The following CDH13 variants were observed in gnomAD, a reference collection of about 807,000 sequenced individuals.
The protein encoded by CDH13 is cadherin-13.
CDH13 carries 24 observed loss-of-function variants against 63.8 expected under a neutral mutation model. The observed-to-expected ratio is 0.38, with a 90% confidence interval of 0.27 to 0.53. The LOEUF (loss-of-function observed/expected upper bound fraction) is 0.53, where lower values mean the gene tolerates loss of function less well. Ranked by LOEUF, CDH13 falls within the 20% of genes least tolerant of loss-of-function variation. The probability of loss-of-function intolerance (pLI) is 0.85; values close to 1 mark genes in which losing one functional copy is unlikely to be tolerated. For synonymous variants in CDH13, 503 were observed against 355.3 expected (o/e 1.42, Z -4.67); for missense variants, 1,049 against 903.1 (o/e 1.16, Z -2.07).
chr16:83,724,645 G>C (rs12448957), intron 10 of CDH13, among the ~76,000 whole-genome samples: 12,748 of 152,162 alleles, frequency 0.084, 976 homozygotes, highest in East Asian at 0.3. Flanking sequence ...TGACTATGTT[G>C]GGGCTTGTCT....
At chr16:83,634,167 A>C (rs1327182965) in intron 8 of CDH13, among the ~76,000 whole-genome samples, 1 of 142,738 alleles carries the variant, frequency 7.0e-6, no homozygotes, top group Non-Finnish European at 1.5e-5. Flanking sequence ...GTGTGGTCCT[A>C]CGCATTTGAT....
At chr16:83,557,291 C>T (rs113098918) in intron 7 of CDH13, among the ~76,000 whole-genome samples, 7 of 151,996 alleles carry the variant, frequency 4.6e-5, no homozygotes, top group Non-Finnish European at 1.0e-4. Context: ...CACATTATGG[C>T]GAGTTGTATA....
chr16:83,615,767 G>C lies in CDH13; in HGVS notation c.1101+13173G>C, dbSNP rs373227584. Among the ~76,000 whole-genome samples, 5 of 152,096 alleles carry C rather than the reference G, an allele frequency of 3.3e-5. No homozygotes were observed. The East Asian group carries it at 5.8e-4, about 18-fold the overall frequency. ...ATTACATCATTTCCTGTTCTTTCTTGTCCTGGCCAACACTTTGTCCAAGGA... is the reference window on the plus strand; with the variant it reads ...ATTACATCATTTCCTGTTCTTTCTTCTCCTGGCCAACACTTTGTCCAAGGA... On this transcript the variant is annotated intron_variant, in intron 8 of 13. Transcript: ENST00000567109.
In CDH13 at chr16:82,645,256, G is replaced by A. The variant is rs559670551; in HGVS notation, c.45+18119G>A. On this transcript the variant is annotated intron_variant, in intron 1 of 13. Transcript: ENST00000567109. The stretch of plus-strand genomic sequence containing the variant: ...CTGGACCTAGAGAATGAAAGCCTCT[G>A]GGGGCAGGCTCAGAAATCTGTGTTT... Among the ~76,000 whole-genome samples, 8 of 152,276 alleles carry A rather than the reference G, an allele frequency of 5.3e-5. No individual in the cohort carries two copies. The East Asian group carries it at 1.5e-3, about 29-fold the overall frequency.
At position 82,627,980 on chromosome 16, in the gene CDH13, C is replaced by A. The variant is rs970791546; in HGVS notation, c.45+843C>A. On this transcript the variant is annotated intron_variant, in intron 1 of 13. Coordinates refer to ENST00000567109, the MANE Select transcript of CDH13 (RefSeq NM_001257.5). ...CTGCTTGTTAACCCTCAGAGCGCCA[C>A]GGCGCGAGGGAAGGGCACGCCAACC... Among the ~76,000 whole-genome samples, 3 of 152,254 alleles carry A rather than the reference C, an allele frequency of 2.0e-5. No homozygotes were observed. The East Asian group carries it at 5.8e-4, about 29-fold the overall frequency.
chr16:83,013,195 G>A (rs1399691839), intron 2 of CDH13, among the ~76,000 whole-genome samples: 1 of 152,256 alleles, frequency 6.6e-6, no homozygotes, highest in Non-Finnish European at 1.5e-5. Context: ...CAACTCTGCT[G>A]TTGCAGTTCA....
chr16:83,720,413 G>A (rs1394490526), intron 10 of CDH13, among the ~76,000 whole-genome samples: 7 of 152,032 alleles, frequency 4.6e-5, no homozygotes, highest in African/African-American at 1.7e-4. Context: ...AGCATTTATT[G>A]AGCACCTACT....
intron 3 of CDH13, among the ~76,000 whole-genome samples, chr16:83,123,157 A>G (rs2035660771): frequency 6.6e-6 from 1 of 151,454 alleles, no homozygotes; most frequent in South Asian, 2.1e-4. Context: ...TGTGTGTATG[A>G]GTATGTGTGT....
chr16:83,365,641 C>G (rs891808571), intron 6 of CDH13, among the ~76,000 whole-genome samples: 3 of 152,150 alleles, frequency 2.0e-5, no homozygotes, highest in Admixed American at 1.3e-4. Flanking sequence ...AGGAGGTTAC[C>G]CGGGATTATC....
intron 2 of CDH13, among the ~76,000 whole-genome samples, chr16:82,918,796 G>A (rs933000589): frequency 6.6e-6 from 1 of 152,038 alleles, no homozygotes; most frequent in Non-Finnish European, 1.5e-5. Context: ...ATGGGTGTGA[G>A]CCCCTACGCC....
At position 82,772,561 on chromosome 16, in the gene CDH13, C is replaced by A. The variant is rs527688742; in HGVS notation, c.46-85801C>A. 1.3e-3 allele frequency among the ~76,000 whole-genome samples: 193 copies of A among 152,268 alleles called. 1 individual carries two copies. The highest frequency in any genetic ancestry group is 3.9e-3 in the Admixed American group (59 of 15,292). On this transcript the variant is annotated intron_variant, in intron 1 of 13. Coordinates refer to ENST00000567109, the MANE Select transcript of CDH13 (RefSeq NM_001257.5). ...ATGAGACATGCTACGCAGAAAAAAA[C>A]CTAGAAATAACTGAGATTAAAATAG...
rs11150485 is a variant in CDH13 at position 82,663,343 on chromosome 16, G to T, written c.45+36206G>T. ...CTGGGATTACAGGCATGCAGCACCA[G>T]GCCCGGCTAATTTTGTATTTTTAGT... is the stretch of plus-strand genomic sequence containing the variant. On this transcript the variant is annotated intron_variant, in intron 1 of 13. Transcript: ENST00000567109. 2.3e-3 allele frequency among the ~76,000 whole-genome samples: 354 copies of T among 152,262 alleles called. 2 individuals are homozygous for T. The highest frequency in any genetic ancestry group is 7.4e-3 in the African/African-American group (306 of 41,524).
chr16:82,684,922 T>C (rs997244288), intron 1 of CDH13, among the ~76,000 whole-genome samples: 1 of 151,384 alleles, frequency 6.6e-6, no homozygotes, highest in African/African-American at 2.4e-5. Flanking sequence ...AAATCACATT[T>C]AAGTAGTCGC....
At chr16:82,817,619 A>G (rs2037785200) in intron 1 of CDH13, among the ~76,000 whole-genome samples, 1 of 152,020 alleles carries the variant, frequency 6.6e-6, no homozygotes, top group Non-Finnish European at 1.5e-5. Flanking sequence ...GCCTGGCCAA[A>G]ATGATGAAAC....
At chr16:83,251,848 C>G (rs542837908) in intron 5 of CDH13, among the ~76,000 whole-genome samples, 2 of 152,094 alleles carry the variant, frequency 1.3e-5, no homozygotes, top group African/African-American at 2.4e-5. Flanking sequence ...CTGGGTCCAC[C>G]TAGAGGCAGG....
chr16:83,042,479 T>A (rs535473931), intron 3 of CDH13, among the ~76,000 whole-genome samples: 3 of 152,248 alleles, frequency 2.0e-5, no homozygotes, highest in Admixed American at 6.5e-5. Context: ...GAAAACAAGC[T>A]GAGGGCTCCC....
At chr16:82,937,254 T>C (rs1340084866) in intron 2 of CDH13, among the ~76,000 whole-genome samples, 1 of 152,166 alleles carries the variant, frequency 6.6e-6, no homozygotes, top group African/African-American at 2.4e-5. Flanking sequence ...CTCACAGATA[T>C]ACATAAACAT....
chr16:83,294,854 A>G (rs2089552329), intron 5 of CDH13, among the ~76,000 whole-genome samples: 1 of 152,146 alleles, frequency 6.6e-6, no homozygotes, highest in Admixed American at 6.6e-5. Flanking sequence ...TATCAATGAC[A>G]TTATTCACAG....
chr16:82,752,386 C>T (rs1309423507), intron 1 of CDH13, among the ~76,000 whole-genome samples: 2 of 152,120 alleles, frequency 1.3e-5, no homozygotes, highest in African/African-American at 2.4e-5. Flanking sequence ...TGACTCTGTC[C>T]CCTCCCCTAC....
Sources: gnomAD v4.1 joint callset for allele counts (sites outside exome capture counted in the v4.1 genomes callset) on GRCh38, gnomAD v4.1.1 for gene constraint, MANE v1.5 for transcripts, NCBI Gene and HGNC (gene_info 2026-07-23, HGNC 2026-07-21) for gene names.